SALL3: variants seen among roughly 807,000 people sequenced by gnomAD.
SALL3 encodes spalt like transcription factor 3, also known as sal-like protein 3.
A neutral mutation model predicts 66.2 loss-of-function variants in SALL3; 25 were observed. The observed-to-expected ratio is 0.38, with a 90% CI of 0.28 to 0.53. The LOEUF (loss-of-function observed/expected upper bound fraction) is 0.53. Among genes scored for constraint, SALL3 ranks in the 20% least tolerant of loss-of-function variants. The pLI, the probability that SALL3 is intolerant of heterozygous loss-of-function variation, is 0.85. For missense variants in SALL3, 2,194 were observed against 1,916.5 expected (o/e 1.14, Z -2.70); for synonymous variants, 1,152 against 899.1 (o/e 1.28, Z -5.03).
rs913840695 is a variant in SALL3, at chr18:78,992,430, C to T, written c.439C>T (p.Pro147Ser). The change falls in exon 2 of 3, where the codon CCC (proline) becomes TCC (serine). Residue 147 changes from proline to serine, a missense_variant. Transcript: ENST00000537592. ...CGCGGGGGACACGCGCGCGCCCCGG[C>T]CCCCGCCTGCGGCCCCTGCACCCCC... Reference protein sequence around the residue: ...EPAGDTRAPRPPPAAPAPPTP... With the variant: ...EPAGDTRAPRSPPAAPAPPTP... 2 of 1,353,478 alleles carry T rather than the reference C, an allele frequency of 1.5e-6. No individual in the cohort carries two copies. The highest frequency in any genetic ancestry group is 1.9e-6 in the Non-Finnish European group (2 of 1,062,006). The allele number at this position is 1,353,478 out of a possible 1,614,324, so 83.8% of individuals were successfully genotyped here. A position where few individuals can be genotyped will look rare whatever the true frequency, so the allele number is the denominator to read the frequency against.
chr18:78,992,142 A>T lies in SALL3; in HGVS notation c.151A>T (p.Ser51Cys). ...GAGCCGCAGCGGGGGCGAGGAGACC[A>T]GCGTGTGCGAGAAATGCTGCGCCGA... is the stretch of plus-strand genomic sequence containing the variant. Reference protein sequence around the residue: ...PESRSGGEETSVCEKCCAEFF... With the variant: ...PESRSGGEETCVCEKCCAEFF... The change falls in exon 2 of 3, where the codon AGC (serine) becomes TGC (cysteine). Residue 51 changes from serine to cysteine, a missense_variant. Ser to Cys is a moderately radical substitution (Grantham distance 112). Coordinates refer to ENST00000537592, the MANE Select transcript of SALL3 (RefSeq NM_171999.4). 1 of 1,606,810 alleles carries T rather than the reference A, an allele frequency of 6.2e-7. No individual in the cohort carries two copies. The highest frequency in any genetic ancestry group is 2.3e-5 in the East Asian group (1 of 44,412).
Position 78,993,483 on chromosome 18 carries a change from C to A in SALL3, c.1492C>A (p.Pro498Thr). Reference sequence around the variant, plus strand: ...CAACGTGCCCACCTGCTCGGGCATCCCCTACGGCATGTCGCTGCCCCCCGA... The same window carrying A: ...CAACGTGCCCACCTGCTCGGGCATCACCTACGGCATGTCGCTGCCCCCCGA... ...LDNVPTCSGI[P>T]YGMSLPPEKP... is the part of the protein sequence containing the mutation. The change falls in exon 2 of 3, where the codon CCC becomes ACC. Residue 498 changes from proline (P) to threonine (T), a missense_variant. Physicochemically the swap from Pro to Thr is conservative, Grantham distance 38. Coordinates refer to ENST00000537592, the MANE Select transcript of SALL3 (RefSeq NM_171999.4). The A allele has an allele frequency of 6.2e-7, 1 of 1,611,924 alleles. No individual in the cohort carries two copies. Among genetic ancestry groups the A allele is most frequent in the Non-Finnish European group, 8.5e-7 (1 of 1,179,696 alleles).
rs144798325 is a variant in SALL3, at chr18:78,996,404, G to T, written c.3472-487G>T. ...TGCGTGGGCTGGATAAGAACTGCCCGCAGGGCCTGCTGGCAGGTGGCCCTG... is the reference window on the plus strand; with the variant it reads ...TGCGTGGGCTGGATAAGAACTGCCCTCAGGGCCTGCTGGCAGGTGGCCCTG... On this transcript the variant is annotated intron_variant, in intron 2 of 2. Coordinates refer to ENST00000537592, the MANE Select transcript of SALL3 (RefSeq NM_171999.4). 6.8e-4 allele frequency among the ~76,000 whole-genome samples: 103 copies of T among 152,336 alleles called. 1 individual carries two copies. Among genetic ancestry groups the T allele is most frequent in the African/African-American group, 2.2e-3 (90 of 41,588 alleles).
Position 78,995,300 on chromosome 18 carries a change from C to T in SALL3, c.3309C>T (p.Ala1103=), listed in dbSNP as rs751042417. 5.1e-6 allele frequency: 8 copies of T among 1,573,914 alleles called. No individual in the cohort carries two copies. Among genetic ancestry groups the T allele is most frequent in the Admixed American group, 1.8e-5 (1 of 55,478 alleles). Residue 1103 remains alanine (A), a synonymous_variant, in exon 2 of 3, where the codon GCC becomes GCT. Transcript: ENST00000537592. ...GCCCGGGCCTGGCGCCCATGCTGGC[C>T]CCCCCACCGCGCCGGACGCCCAAGC... is the stretch of plus-strand genomic sequence containing the variant. ...VMGPGLAPML[A]PPPRRTPKQH...
intron 1 of SALL3, among the ~76,000 whole-genome samples, chr18:78,982,448 C>G (rs1192295646): frequency 6.6e-6 from 1 of 152,196 alleles, no homozygotes; most frequent in Non-Finnish European, 1.5e-5. Context: ...GGTCGAGCAG[C>G]TCACATGCTT....
rs747247504 is a variant in SALL3, at chr18:78,992,257, C to T, written c.266C>T (p.Pro89Leu). 12 of 1,572,196 alleles carry T rather than the reference C, an allele frequency of 7.6e-6. No individual in the cohort carries two copies. The highest frequency in any genetic ancestry group is 2.3e-5 in the South Asian group (2 of 87,182). Residue 89 changes from proline (P) to leucine (L), a missense_variant, in exon 2 of 3, where the codon CCG (proline) becomes CTG (leucine). Physicochemically the swap from Pro to Leu is moderately conservative, Grantham distance 98. Coordinates refer to ENST00000537592, the MANE Select transcript of SALL3 (RefSeq NM_171999.4). Reference protein sequence around the residue: ...VLIVHEDAPAPPPEDFPEPSP... With the variant: ...VLIVHEDAPALPPEDFPEPSP... ...ATCGTGCACGAGGACGCGCCCGCGC[C>T]GCCCCCCGAGGACTTCCCCGAGCCT...
rs375965369 is a variant in SALL3 at position 78,993,821 on chromosome 18, C to T, written c.1830C>T (p.Asp610=). The change falls in exon 2 of 3, where the codon GAC becomes GAT. Residue 610 remains aspartate (D), a synonymous_variant. Transcript: ENST00000537592. ...SLPCTNARAG[D]APVGAQASAA... ...CCTGCACCAACGCCAGGGCCGGGGA[C>T]GCTCCCGTGGGCGCGCAGGCTAGCG... The T allele has an allele frequency of 3.2e-6, 5 of 1,552,580 alleles. No homozygotes were observed. The highest frequency in any genetic ancestry group is 1.2e-5 in the South Asian group (1 of 84,834).
chr18:78,992,201 G>C lies in SALL3; in HGVS notation c.210G>C (p.Gln70His). 2.5e-6 allele frequency: 4 copies of C among 1,610,192 alleles called. No homozygotes were observed. Among genetic ancestry groups the C allele is most frequent in the South Asian group, 1.1e-5 (1 of 90,810 alleles). The change falls in exon 2 of 3, where the codon CAG becomes CAC. Residue 70 changes from glutamine to histidine, a missense_variant. Gln to His is a conservative substitution (Grantham distance 24, BLOSUM62 0). Coordinates refer to ENST00000537592, the MANE Select transcript of SALL3 (RefSeq NM_171999.4). ...AGTGGGCGGACTTCCTGGAGCACCA[G>C]CGGAGCTGCACCAAGCTCCCGCCCG... is the stretch of plus-strand genomic sequence containing the variant. ...FFKWADFLEH[Q>H]RSCTKLPPVL...
rs1446183913 is a variant in SALL3 at position 78,992,915 on chromosome 18, C to T, written c.924C>T (p.Pro308=). The change falls in exon 2 of 3, where the codon CCC becomes CCT. Residue 308 remains proline (P), a synonymous_variant. Transcript: ENST00000537592. ...GCACCCCCGGCGGCCCTGCGGAGCC[C>T]AGCGCGCCCGCCGCCCCCAGCGCCG... ...GASTPGGPAE[P]SAPAAPSAAP... The T allele has an allele frequency of 1.0e-6, 1 of 988,756 alleles. No individual in the cohort carries two copies. The highest frequency in any genetic ancestry group is 1.2e-6 in the Non-Finnish European group (1 of 834,000). The allele number at this position is 988,756 out of a possible 1,614,324, so 61.2% of individuals were successfully genotyped here. A position where few individuals can be genotyped will look rare whatever the true frequency, so the allele number is the denominator to read the frequency against.
rs768517369 is a variant in SALL3, at chr18:78,992,324, G to A, written c.333G>A (p.Ala111=). 10 of 1,455,422 alleles carry A rather than the reference G, an allele frequency of 6.9e-6. No homozygotes were observed. The highest frequency in any genetic ancestry group is 7.2e-6 in the Non-Finnish European group (8 of 1,111,594). The allele number at this position is 1,455,422 out of a possible 1,614,324, so 90.2% of individuals were successfully genotyped here. The part of the protein sequence containing the change: ...SSPSERAESE[A]AEEAGAEGAE... ...CCAGCGAGCGCGCCGAAAGCGAGGC[G>A]GCCGAGGAGGCGGGTGCGGAGGGCG... is the stretch of plus-strand genomic sequence containing the variant. Residue 111 remains alanine (A), a synonymous_variant, in exon 2 of 3, where the codon GCG becomes GCA. Transcript: ENST00000537592.
In SALL3 at chr18:78,992,878, A is replaced by T. The variant is rs900727288; in HGVS notation, c.887A>T (p.Glu296Val). ...GGCGCGCAGCCGCTGTCCCGGCCCG[A>T]GTCTGGCGCCAGCACCCCCGGCGGC... ...FEGAQPLSRPESGASTPGGPA... is the reference protein window; with the variant it reads ...FEGAQPLSRPVSGASTPGGPA... The change falls in exon 2 of 3, where the codon GAG becomes GTG. Residue 296 changes from glutamate to valine, a missense_variant. Transcript: ENST00000537592. 2 of 985,200 alleles carry T rather than the reference A, an allele frequency of 2.0e-6. No homozygotes were observed. Among genetic ancestry groups the T allele is most frequent in the Admixed American group, 1.3e-4 (2 of 15,876 alleles). 61.0% of individuals were successfully genotyped at this position (985,200 alleles called of 1,614,324 possible).
chr18:78,993,666 G>T lies in SALL3; in HGVS notation c.1675G>T (p.Ala559Ser). ...CCGCTCCCCGCAGAGGCCCTCGCCC[G>T]CCTCCAGCGAGTGCGCCTCCTTGTC... The part of the protein sequence containing the change: ...ASRSPQRPSP[A>S]SSECASLSPG... The change falls in exon 2 of 3, where the codon GCC becomes TCC. Residue 559 changes from alanine (A) to serine (S), a missense_variant. Transcript: ENST00000537592. 1 of 1,587,652 alleles carries T rather than the reference G, an allele frequency of 6.3e-7. No homozygotes were observed. The highest frequency in any genetic ancestry group is 8.5e-7 in the Non-Finnish European group (1 of 1,174,056).
In SALL3 at chr18:78,996,989, G is replaced by A. The variant is rs762512637; in HGVS notation, c.3570G>A (p.Leu1190=). 4 of 1,614,132 alleles carry A rather than the reference G, an allele frequency of 2.5e-6. No homozygotes were observed. Among genetic ancestry groups the A allele is most frequent in the Non-Finnish European group, 3.4e-6 (4 of 1,180,050 alleles). ...NPMALLGGDA[L]KFSEMFQKDL... ...TGGCTCTCCTAGGGGGTGATGCCCTGAAGTTCTCTGAAATGTTCCAGAAGG... is the reference window on the plus strand; with the variant it reads ...TGGCTCTCCTAGGGGGTGATGCCCTAAAGTTCTCTGAAATGTTCCAGAAGG... Residue 1190 remains leucine, a synonymous_variant, in exon 3 of 3, where the codon CTG becomes CTA. Transcript: ENST00000537592.
In SALL3 at chr18:78,980,379, G is replaced by A. The variant is rs764300454; in HGVS notation, c.82+23G>A. ...ACGGTGAGGGCCGGGGCTGCGGGGT[G>A]GCCGGGGGGTCTGGGGCTGCCCGTC... On this transcript the variant is annotated intron_variant, in intron 1 of 2. Transcript: ENST00000537592. The A allele has an allele frequency of 4.4e-6, 6 of 1,376,680 alleles. No homozygotes were observed. The South Asian group carries it at 7.4e-5, about 17-fold the overall frequency. The allele number at this position is 1,376,680 out of a possible 1,614,324, so 85.3% of individuals were successfully genotyped here.
At chr18:78,981,810 A>G (rs1164336574) in intron 1 of SALL3, among the ~76,000 whole-genome samples, 1 of 152,152 alleles carries the variant, frequency 6.6e-6, no homozygotes, top group Non-Finnish European at 1.5e-5. Flanking sequence ...AATTTCTCAC[A>G]CTTGGTTTGT....
rs201950663 is a variant in SALL3, at chr18:78,992,225, C to G, written c.234C>G (p.Pro78=). 1.6e-5 allele frequency: 25 copies of G among 1,604,380 alleles called. No homozygotes were observed. Among genetic ancestry groups the G allele is most frequent in the Admixed American group, 3.4e-5 (2 of 59,204 alleles). The change falls in exon 2 of 3, where the codon CCC becomes CCG. Residue 78 remains proline (P), a synonymous_variant. Coordinates refer to ENST00000537592, the MANE Select transcript of SALL3 (RefSeq NM_171999.4). ...AGCGGAGCTGCACCAAGCTCCCGCC[C>G]GTGCTGATCGTGCACGAGGACGCGC... ...EHQRSCTKLP[P]VLIVHEDAPA...
intron 1 of SALL3, among the ~76,000 whole-genome samples, chr18:78,985,463 T>C (rs1914215792): frequency 6.6e-6 from 1 of 152,242 alleles, no homozygotes; most frequent in Non-Finnish European, 1.5e-5. Flanking sequence ...TTCACCGCAC[T>C]GTTTGGTAAT....
intron 1 of SALL3, among the ~76,000 whole-genome samples, chr18:78,986,986 T>C: frequency 6.6e-6 from 1 of 152,330 alleles, no homozygotes; most frequent in East Asian, 1.9e-4. Context: ...TCTTAAGTTA[T>C]ATATTTCATA....
Position 78,995,417 on chromosome 18 carries a change from C to A in SALL3, c.3426C>A (p.Gly1142=). 6.3e-7 allele frequency: 1 copy of A among 1,587,692 alleles called. No homozygotes were observed. The highest frequency in any genetic ancestry group is 8.5e-7 in the Non-Finnish European group (1 of 1,174,968). ...CGCACACCGGCGAGAAGCCGTTCGG[C>A]TGCACCATCTGCGGCCGGGCCTTCA... ...ERTHTGEKPF[G]CTICGRAFTT... is the part of the protein sequence containing the mutation. The change falls in exon 2 of 3, where the codon GGC becomes GGA. Residue 1142 remains glycine, a synonymous_variant. Transcript: ENST00000537592.
Sources: allele counts gnomAD v4.1 joint callset (sites outside exome capture counted in the v4.1 genomes callset), GRCh38; gene constraint gnomAD v4.1.1; transcripts MANE v1.5; gene names NCBI Gene and HGNC (gene_info 2026-07-23, HGNC 2026-07-21).